The following B3GAT1 variants were observed in gnomAD, a reference collection of about 807,000 sequenced individuals.
B3GAT1 encodes the protein beta-1,3-glucuronyltransferase 1, also known as galactosylgalactosylxylosylprotein 3-beta-glucuronosyltransferase 1.
A neutral mutation model predicts 28.4 loss-of-function variants in B3GAT1; 11 were observed. The ratio of observed to expected loss-of-function variants is 0.39; its 90% CI spans 0.24 to 0.64. B3GAT1 has a LOEUF of 0.64. Ranked by LOEUF, B3GAT1 falls within the 30% of genes least tolerant of loss-of-function variation. The probability of loss-of-function intolerance (pLI) is 0.50; values close to 1 mark genes in which losing one functional copy is unlikely to be tolerated. For missense variants in B3GAT1, 375 were observed against 491.0 expected, an observed-to-expected ratio of 0.76 and a Z score of 2.23; for synonymous variants, 255 against 223.1, an observed-to-expected ratio of 1.14 and a Z score of -1.27.
At chr11:134,408,312 G>T (rs5020294) in intron 1 of B3GAT1, among the ~76,000 whole-genome samples, 34 of 88,498 alleles carry the variant, frequency 3.8e-4, no homozygotes, top group East Asian at 7.3e-4. Flanking sequence ...AGCCTGCACC[G>T]ATTCCAGTGG....
chr11:134,406,104 C>T (rs1944726483), intron 1 of B3GAT1, among the ~76,000 whole-genome samples: 1 of 152,220 alleles, frequency 6.6e-6, no homozygotes, highest in South Asian at 2.1e-4. Flanking sequence ...CCGGGGGGCT[C>T]GTGGCAGCAC....
At chr11:134,395,730 G>A (rs1247645979) in intron 1 of B3GAT1, among the ~76,000 whole-genome samples, 1 of 152,090 alleles carries the variant, frequency 6.6e-6, no homozygotes, top group East Asian at 1.9e-4. Context: ...CCCACTTTTG[G>A]AAGGAAATGT....
chr11:134,394,541 G>A (rs962538911), intron 1 of B3GAT1, among the ~76,000 whole-genome samples: 1 of 152,158 alleles, frequency 6.6e-6, no homozygotes, highest in African/African-American at 2.4e-5. Flanking sequence ...TCCCCTGCAT[G>A]GCCTACCTCA....
intron 1 of B3GAT1, among the ~76,000 whole-genome samples, chr11:134,405,481 G>A (rs1427033112): frequency 6.6e-6 from 1 of 152,226 alleles, no homozygotes; most frequent in Non-Finnish European, 1.5e-5. Context: ...TTAATTTGCC[G>A]CCTGTGGCCT....
Position 134,383,782 on chromosome 11 carries a change from G to A in B3GAT1, c.519C>T (p.Ala173=), listed in dbSNP as rs775687301. 5.6e-6 allele frequency: 9 copies of A among 1,597,460 alleles called. No homozygotes were observed. The highest frequency in any genetic ancestry group is 4.0e-5 in the African/African-American group (3 of 74,592). ...IPRGTMQRNL[A]LRWLRETFPR... ...GGAAGGTCTCGCGCAGCCAGCGCAG[G>A]GCCAGGTTGCGCTGCATGGTGCCCC... Residue 173 remains alanine (A), a synonymous_variant, in exon 3 of 6, where the codon GCC becomes GCT. Transcript: ENST00000312527.
chr11:134,382,593 G>A (rs924786631), intron 4 of B3GAT1, 117 bp downstream of exon 4: 2 of 1,254,824 alleles, frequency 1.6e-6, no homozygotes, highest in Non-Finnish European at 2.2e-6. Flanking sequence ...CCTGGGAGGG[G>A]GTTCCAGAAA....
intron 1 of B3GAT1, among the ~76,000 whole-genome samples, chr11:134,408,224 TG>T: frequency 1.4e-5 from 2 of 139,362 alleles, no homozygotes; most frequent in African/African-American, 5.8e-5. Flanking sequence ...TGGGACAGCC[TG>T]CACCTATTCT....
intron 1 of B3GAT1, among the ~76,000 whole-genome samples, chr11:134,399,341 G>A (rs1359528748): frequency 6.6e-6 from 1 of 152,328 alleles, no homozygotes; most frequent in East Asian, 1.9e-4. Flanking sequence ...CGTTCTGAGA[G>A]ACTCCCCAGT....
At chr11:134,399,689 C>G (rs575656663) in intron 1 of B3GAT1, among the ~76,000 whole-genome samples, 2 of 152,296 alleles carry the variant, frequency 1.3e-5, no homozygotes, top group Admixed American at 1.3e-4. Context: ...CTCATCTGAC[C>G]CTCTCTACAG....
intron 1 of B3GAT1, among the ~76,000 whole-genome samples, chr11:134,404,067 T>C (rs537175403): frequency 6.6e-4 from 94 of 142,172 alleles, no homozygotes; most frequent in Middle Eastern, 7.5e-3. Flanking sequence ...ATGTGCACAA[T>C]GTGCAGGTTT....
chr11:134,383,693 T>A lies in B3GAT1; in HGVS notation c.608A>T (p.Glu203Val). 6.3e-7 allele frequency: 1 copy of A among 1,580,888 alleles called. No homozygotes were observed. The highest frequency in any genetic ancestry group is 8.6e-7 in the Non-Finnish European group (1 of 1,158,818). Residue 203 changes from glutamate (E) to valine (V), a missense_variant, in exon 3 of 6, where the codon GAG (glutamate) becomes GTG (valine). Physicochemically the swap from Glu to Val is moderately radical, Grantham distance 121. Transcript: ENST00000312527. ...FADDDNTYSLELFEEMRSTRR... is the reference protein window; with the variant it reads ...FADDDNTYSLVLFEEMRSTRR... ...GCCCTCCCTCACCTCTTCGAAGAGC[T>A]CCAGGCTGTAGGTGTTGTCGTCGTC...
intron 1 of B3GAT1, among the ~76,000 whole-genome samples, chr11:134,404,748 G>A (rs1352665790): frequency 6.6e-6 from 1 of 152,262 alleles, no homozygotes; most frequent in African/African-American, 2.4e-5. Flanking sequence ...GGGAGCCGCA[G>A]AGACACAGTG....
intron 1 of B3GAT1, among the ~76,000 whole-genome samples, chr11:134,396,786 G>A (rs1029434500): frequency 2.6e-5 from 4 of 152,166 alleles, no homozygotes; most frequent in African/African-American, 9.7e-5. Flanking sequence ...TTGCTGGAGG[G>A]CAGATGGAAG....
intron 1 of B3GAT1, among the ~76,000 whole-genome samples, chr11:134,405,192 C>T (rs760086534): frequency 2.6e-5 from 4 of 152,148 alleles, no homozygotes; most frequent in Non-Finnish European, 4.4e-5. Flanking sequence ...GACCCAGCAC[C>T]GGCACTCCTT....
chr11:134,382,592 G>A (rs1438675634), intron 4 of B3GAT1, 118 bp downstream of exon 4: 11 of 1,240,390 alleles, frequency 8.9e-6, no homozygotes, highest in Non-Finnish European at 1.2e-5. Flanking sequence ...TCCTGGGAGG[G>A]GGTTCCAGAA....
In B3GAT1 at chr11:134,384,071, G is replaced by A. The variant is rs1430586239; in HGVS notation, c.230C>T (p.Pro77Leu). The change falls in exon 3 of 6, where the codon CCG becomes CTG. Residue 77 changes from proline to leucine, a missense_variant. Transcript: ENST00000312527. ...GGTGGGCAGCGTGTCGGACCATGGCGGGGGCCGCGTGTACACGTACTCGGT... is the reference window on the plus strand; with the variant it reads ...GGTGGGCAGCGTGTCGGACCATGGCAGGGGCCGCGTGTACACGTACTCGGT... ...VRTEYVYTRP[P>L]PWSDTLPTIH... 2 of 1,602,712 alleles carry A rather than the reference G, an allele frequency of 1.2e-6. No individual in the cohort carries two copies. The highest frequency in any genetic ancestry group is 1.7e-6 in the Non-Finnish European group (2 of 1,178,020).
At chr11:134,397,071 G>A (rs190186051) in intron 1 of B3GAT1, among the ~76,000 whole-genome samples, 2 of 152,188 alleles carry the variant, frequency 1.3e-5, no homozygotes, top group African/African-American at 2.4e-5. Context: ...TCATGGTCCC[G>A]GCATGAAAAC....
intron 1 of B3GAT1, among the ~76,000 whole-genome samples, chr11:134,396,899 G>T (rs1195127775): frequency 1.3e-5 from 2 of 152,276 alleles, no homozygotes; most frequent in South Asian, 4.2e-4. Flanking sequence ...GGCCCCTGAC[G>T]GCGTCCTTTG....
intron 1 of B3GAT1, among the ~76,000 whole-genome samples, chr11:134,402,452 G>A (rs769750267): frequency 9.9e-5 from 15 of 152,016 alleles, no homozygotes; most frequent in African/African-American, 2.2e-4. Context: ...TCCCTGCCCC[G>A]TCTCCCCAGG....
Sources: gnomAD v4.1 joint callset for allele counts (sites outside exome capture counted in the v4.1 genomes callset) on GRCh38, gnomAD v4.1.1 for gene constraint, MANE v1.5 for transcripts, NCBI Gene and HGNC (gene_info 2026-07-23, HGNC 2026-07-21) for gene names.